Variants in FOXN3 observed in about 807,000 individuals in gnomAD.
FOXN3 encodes forkhead box N3, also known as forkhead box protein N3.
Under a neutral mutation model 38.4 loss-of-function variants are expected in FOXN3, and 7 were observed. That is an observed-to-expected ratio of 0.18 (90% CI 0.10 to 0.34). The LOEUF (loss-of-function observed/expected upper bound fraction) is 0.34, where lower values mean the gene tolerates loss of function less well. FOXN3 is among the 10% of genes least tolerant of loss of function. The pLI, the probability that FOXN3 is intolerant of heterozygous loss-of-function variation, is 1.00. For missense variants in FOXN3, 456 were observed against 613.4 expected (o/e 0.74, Z 2.71); for synonymous variants, 230 against 242.2 (o/e 0.95, Z 0.47).
chr14:89,617,351 T>C (rs1896513209), intron 1 of FOXN3, among the ~76,000 whole-genome samples: 1 of 152,246 alleles, frequency 6.6e-6, no homozygotes, highest in African/African-American at 2.4e-5. Flanking sequence ...CCCTTCCTCT[T>C]GGATGTGAAA....
chr14:89,511,236 C>CTTTTCTTTCTTTTTCTTT, intron 1 of FOXN3, among the ~76,000 whole-genome samples: 1 of 10,390 alleles, frequency 9.6e-5, no homozygotes, highest in Non-Finnish European at 5.7e-4. Flanking sequence ...TCTTTTCTTT[C>CTTTTCTTTCTTTTTCTTT]CTTTTCTTTC....
chr14:89,171,376 A>C (rs904713180), intron 5 of FOXN3, among the ~76,000 whole-genome samples: 4 of 152,220 alleles, frequency 2.6e-5, no homozygotes, highest in African/African-American at 9.6e-5. Context: ...AGATATTTCC[A>C]GTCTTAGATA....
chr14:89,254,420 G>C (rs1885554164), intron 4 of FOXN3, among the ~76,000 whole-genome samples: 1 of 152,098 alleles, frequency 6.6e-6, no homozygotes, highest in Admixed American at 6.5e-5. Flanking sequence ...GAGAAGGGGT[G>C]GTGCAGGGAA....
At chr14:89,362,526 G>C (rs186493726) in intron 2 of FOXN3, among the ~76,000 whole-genome samples, 2 of 94 alleles carry the variant, frequency 0.021, no homozygotes, top group Non-Finnish European at 0.056. Flanking sequence ...CCATCTCTAC[G>C]ACCACCACCA....
chr14:89,264,826 G>A (rs1322189282), intron 4 of FOXN3, among the ~76,000 whole-genome samples: 2 of 152,144 alleles, frequency 1.3e-5, no homozygotes, highest in African/African-American at 4.8e-5. Flanking sequence ...ATTCCATGCA[G>A]CTATCTTCAT....
rs550889391 is a variant in FOXN3 at position 89,162,322 on chromosome 14, A to G, written c.*92T>C. The G allele has an allele frequency of 9.7e-6, 11 of 1,139,702 alleles. No individual in the cohort carries two copies. Among genetic ancestry groups the G allele is most frequent in the Non-Finnish European group, 1.3e-5 (11 of 826,976 alleles). 70.6% of individuals were successfully genotyped at this position (1,139,702 alleles called of 1,614,324 possible). A position where few individuals can be genotyped will look rare whatever the true frequency, so the allele number is the denominator to read the frequency against. ...CAAACCAAAAACAAGAAAAAAGAAA[A>G]AAAATTGCTGATATTGCCACAAATC... On this transcript the variant is annotated 3_prime_UTR_variant, in exon 6 of 6. Coordinates refer to ENST00000557258, the MANE Select transcript of FOXN3 (RefSeq NM_005197.4). This position sits in a 1 kb window ranked among gnomAD's most constrained non-coding sequence, Gnocchi z 7.2.
chr14:89,511,153 CTTTCTTTCTTTCTTTCTTT>C lies in FOXN3; in HGVS notation c.-14-98682_-14-98664del, dbSNP rs1566680841. 2.4e-3 allele frequency among the ~76,000 whole-genome samples: 50 copies of C among 20,642 alleles called. 7 individuals are homozygous for C. Among genetic ancestry groups the C allele is most frequent in the African/African-American group, 3.9e-3 (50 of 12,898 alleles). 13.5% of individuals were successfully genotyped at this position (20,642 alleles called of 152,430 possible). On this transcript the variant is annotated intron_variant, in intron 1 of 6. Coordinates refer to the FOXN3 transcript ENST00000345097. ...CTTTCTTTCTTTCTTTTCTTTCTTTCTTTCTTTCTTTCTTTCTTTCTTTCTTTCTTTCTTTCTTTTCTTT... is the reference window on the plus strand; with the variant it reads ...CTTTCTTTCTTTCTTTTCTTTCTTTCCTTTCTTTCTTTCTTTCTTTTCTTT...
At chr14:89,198,271 A>G (rs950425753) in intron 4 of FOXN3, among the ~76,000 whole-genome samples, 2 of 152,254 alleles carry the variant, frequency 1.3e-5, no homozygotes, top group African/African-American at 4.8e-5. Context: ...ATGACGTATT[A>G]TAAGTAACCT....
At chr14:89,467,815 T>TTTTTTTTTTTTTTTTG in intron 1 of FOXN3, among the ~76,000 whole-genome samples, 1 of 129,118 alleles carries the variant, frequency 7.7e-6, no homozygotes, top group Non-Finnish European at 1.7e-5. Context: ...TTTTTTTTTT[T>TTTTTTTTTTTTTTTTG]TTTTTTTTTT....
At chr14:89,200,359 A>T (rs1418400868) in intron 4 of FOXN3, among the ~76,000 whole-genome samples, 3 of 152,152 alleles carry the variant, frequency 2.0e-5, no homozygotes, top group African/African-American at 7.2e-5. Flanking sequence ...ATTTCACTTA[A>T]TCAGGAAGGG....
At chr14:89,430,693 C>A (rs2140113366) in intron 1 of FOXN3, among the ~76,000 whole-genome samples, 1 of 152,074 alleles carries the variant, frequency 6.6e-6, no homozygotes, top group African/African-American at 2.4e-5. Context: ...TTTAAAAGGC[C>A]CAAATAAGTA....
At chr14:89,296,195 C>T (rs1007711103) in intron 3 of FOXN3, among the ~76,000 whole-genome samples, 2 of 152,086 alleles carry the variant, frequency 1.3e-5, no homozygotes, top group Non-Finnish European at 2.9e-5. Flanking sequence ...CTTAAAACCA[C>T]GGCTACGATT....
chr14:89,541,224 T>C (rs1894785759), intron 1 of FOXN3, among the ~76,000 whole-genome samples: 1 of 152,230 alleles, frequency 6.6e-6, no homozygotes, highest in Admixed American at 6.5e-5. Flanking sequence ...GTAAGAGGTG[T>C]TTGAACCACA....
intron 1 of FOXN3, 74 bp downstream of exon 1, chr14:89,416,797 T>C (rs1263054757): frequency 4.0e-5 from 6 of 151,646 alleles, no homozygotes; most frequent in Non-Finnish European, 7.4e-5. Context: ...TCCAGGACCG[T>C]CTCGGACGCG....
chr14:89,379,515 G>A (rs1042886334), intron 2 of FOXN3, among the ~76,000 whole-genome samples: 1 of 152,136 alleles, frequency 6.6e-6, no homozygotes, highest in East Asian at 1.9e-4. Context: ...TGGCAAGTGT[G>A]CCCTGGGGAG....
At position 89,559,297 on chromosome 14, in the gene FOXN3, T is replaced by C. The variant is rs188029067; in HGVS notation, c.-15+59731A>G. ...TGGGAGGCTGAACTGGGAGGATTTA[T>C]TGAACCCAGGAAGTTGTGCTGCAGT... On this transcript the variant is annotated intron_variant, in intron 1 of 6. Transcript: ENST00000345097. Among the ~76,000 whole-genome samples, 7 of 152,308 alleles carry C rather than the reference T, an allele frequency of 4.6e-5. 1 individual carries two copies. The East Asian group carries it at 1.2e-3, about 25-fold the overall frequency.
intron 4 of FOXN3, among the ~76,000 whole-genome samples, chr14:89,196,460 T>C (rs926871905): frequency 2.6e-5 from 4 of 152,058 alleles, no homozygotes; most frequent in Non-Finnish European, 5.9e-5. Context: ...AAATGATGGG[T>C]GGGTGGCTGC....
At chr14:89,602,340 C>A (rs1896168647) in intron 1 of FOXN3, among the ~76,000 whole-genome samples, 1 of 151,408 alleles carries the variant, frequency 6.6e-6, no homozygotes, top group Non-Finnish European at 1.5e-5. Flanking sequence ...AGGAATAATA[C>A]AATGAGTAAG....
intron 4 of FOXN3, among the ~76,000 whole-genome samples, chr14:89,249,721 C>T (rs1444428699): frequency 1.3e-5 from 2 of 152,124 alleles, no homozygotes; most frequent in Non-Finnish European, 2.9e-5. Flanking sequence ...TGGGACAATG[C>T]CATAAAAGAC....
Sources: gnomAD v4.1 joint callset for allele counts (sites outside exome capture counted in the v4.1 genomes callset) on GRCh38, gnomAD v4.1.1 for gene constraint, Gnocchi (gnomAD v3.1) non-coding constraint, MANE v1.5 for transcripts, NCBI Gene and HGNC (gene_info 2026-07-23, HGNC 2026-07-21) for gene names.